RAB38: variants seen among roughly 807,000 people sequenced by gnomAD.
The protein encoded by RAB38 is RAB38, member RAS oncogene family, also known as ras-related protein Rab-38.
A neutral mutation model predicts 18.4 loss-of-function variants in RAB38; 15 were observed. The observed-to-expected ratio is 0.82, with a 90% CI of 0.55 to 1.26. RAB38 has a LOEUF of 1.26. Ranked by LOEUF, RAB38 falls within the 50% of genes most tolerant of loss-of-function variation. RAB38 has a pLI of 0.00. For missense variants in RAB38, 294 were observed against 267.4 expected, an observed-to-expected ratio of 1.10 and a Z score of -0.69; for synonymous variants, 101 against 104.4, an observed-to-expected ratio of 0.97 and a Z score of 0.20.
chr11:87,878,718 G>A, the RAB38 span, among the ~76,000 whole-genome samples: 8 of 151,638 alleles, frequency 5.3e-5, no homozygotes, highest in Non-Finnish European at 1.5e-5. Context: ...GCAAATCATA[G>A]CTTTTAAAGC....
At chr11:87,927,907 C>T in the RAB38 span, among the ~76,000 whole-genome samples, 22 of 151,858 alleles carry the variant, frequency 1.4e-4, no homozygotes, top group African/African-American at 5.1e-4. Flanking sequence ...CTCTACACAA[C>T]ATAAACAATT....
downstream of RAB38, among the ~76,000 whole-genome samples, chr11:88,110,537 G>C (rs1942459942): frequency 6.6e-6 from 1 of 151,972 alleles, no homozygotes; most frequent in African/African-American, 2.4e-5. Context: ...TAATAATAAA[G>C]GCCAGGCGTG....
the RAB38 span, among the ~76,000 whole-genome samples, chr11:88,050,440 C>A: frequency 3.9e-5 from 6 of 152,180 alleles, no homozygotes; most frequent in African/African-American, 1.4e-4. Flanking sequence ...ATTTCTGTTT[C>A]TGTCTTTCTC....
At chr11:87,818,326 C>T in the RAB38 span, among the ~76,000 whole-genome samples, 89 of 152,182 alleles carry the variant, frequency 5.8e-4, no homozygotes, top group East Asian at 0.013. Flanking sequence ...TGAATGAACA[C>T]GATGATAATA....
At chr11:87,814,691 A>G in the RAB38 span, among the ~76,000 whole-genome samples, 1 of 151,914 alleles carries the variant, frequency 6.6e-6, no homozygotes. Flanking sequence ...GCATTGAATT[A>G]TACTACAAGG....
chr11:88,092,326 CAGAGAG>C, the RAB38 span, among the ~76,000 whole-genome samples: 4 of 8,136 alleles, frequency 4.9e-4, 1 homozygote, highest in Admixed American at 1.9e-3. Context: ...AAGAGGGAGG[CAGAGAG>C]AGAGAGAGAG....
intron 2 of RAB38, among the ~76,000 whole-genome samples, chr11:88,146,749 C>T (rs1260818009): frequency 6.6e-6 from 1 of 152,210 alleles, no homozygotes; most frequent in Non-Finnish European, 1.5e-5. Flanking sequence ...TTCGTTAAGA[C>T]ATTCAGAAGG....
At chr11:87,936,959 T>A in the RAB38 span, among the ~76,000 whole-genome samples, 1 of 152,070 alleles carries the variant, frequency 6.6e-6, no homozygotes, top group Non-Finnish European at 1.5e-5. Flanking sequence ...GTATGCATTT[T>A]CATTTCTTTC....
chr11:87,818,562 G>T, the RAB38 span, among the ~76,000 whole-genome samples: 32 of 152,218 alleles, frequency 2.1e-4, no homozygotes, highest in East Asian at 6.2e-3. Flanking sequence ...CTTGACACAT[G>T]ATCTATGCAT....
At chr11:88,065,324 A>G in the RAB38 span, among the ~76,000 whole-genome samples, 3 of 152,252 alleles carry the variant, frequency 2.0e-5, no homozygotes, top group South Asian at 6.2e-4. Flanking sequence ...GGCATCTAAT[A>G]TTCCTAACAT....
the RAB38 span, among the ~76,000 whole-genome samples, chr11:88,093,005 A>C: frequency 6.6e-6 from 1 of 151,898 alleles, no homozygotes; most frequent in Non-Finnish European, 1.5e-5. Context: ...TGCCTGCTCT[A>C]GGGCTTCATT....
chr11:87,818,727 G>A, the RAB38 span, among the ~76,000 whole-genome samples: 5 of 151,954 alleles, frequency 3.3e-5, no homozygotes, highest in Admixed American at 2.0e-4. Flanking sequence ...TCAGTCAAAT[G>A]GGGCTAATAA....
chr11:87,976,266 G>A, the RAB38 span, among the ~76,000 whole-genome samples: 8,664 of 141,678 alleles, frequency 0.061, 312 homozygotes, highest in South Asian at 0.1. Flanking sequence ...ACATGTAAGA[G>A]AAGGTGTGTG....
chr11:87,819,568 G>A, the RAB38 span, among the ~76,000 whole-genome samples: 2 of 151,382 alleles, frequency 1.3e-5, no homozygotes, highest in African/African-American at 2.4e-5. Flanking sequence ...AATTTCCCCT[G>A]TAGATTATGC....
chr11:87,875,356 T>A, the RAB38 span, among the ~76,000 whole-genome samples: 1 of 151,422 alleles, frequency 6.6e-6, no homozygotes, highest in Admixed American at 6.6e-5. Context: ...AAAAATAAAA[T>A]AAAATATTGA....
the RAB38 span, among the ~76,000 whole-genome samples, chr11:87,977,911 ACATAAATATGTAGTGACACC>A: frequency 1.8e-5 from 2 of 114,020 alleles, no homozygotes; most frequent in African/African-American, 3.5e-5. Flanking sequence ...ATAATTATAT[ACATAAATATGTAGTGACACC>A]TTTATATAAT....
At chr11:88,056,832 AATAC>A in the RAB38 span, among the ~76,000 whole-genome samples, 195 of 45,536 alleles carry the variant, frequency 4.3e-3, no homozygotes, top group Non-Finnish European at 7.5e-3. Context: ...TAAATAAATA[AATAC>A]ATACATACAT....
chr11:87,814,099 T>C, the RAB38 span, among the ~76,000 whole-genome samples: 1 of 152,152 alleles, frequency 6.6e-6, no homozygotes, highest in Non-Finnish European at 1.5e-5. Context: ...TTTCAGGGTC[T>C]TGCTTTGAAT....
chr11:88,125,633 A>C (rs1211115284), intron 2 of RAB38, among the ~76,000 whole-genome samples: 1 of 152,192 alleles, frequency 6.6e-6, no homozygotes, highest in East Asian at 1.9e-4. Context: ...TCAGATAAGT[A>C]GATTGCAAAA....
Sources: allele counts gnomAD v4.1 joint callset (sites outside exome capture counted in the v4.1 genomes callset), GRCh38; gene constraint gnomAD v4.1.1; transcripts MANE v1.5; gene names NCBI Gene and HGNC (gene_info 2026-07-23, HGNC 2026-07-21).